The following LSM14A variants were observed in gnomAD, a reference collection of about 807,000 sequenced individuals.
The protein encoded by LSM14A is LSM14A mRNA processing body assembly factor.
A neutral mutation model predicts 52.4 loss-of-function variants in LSM14A; 14 were observed. The ratio of observed to expected loss-of-function variants is 0.27; its 90% confidence interval spans 0.18 to 0.42. LSM14A has a LOEUF of 0.42. LSM14A is among the 10% of genes least tolerant of loss of function. LSM14A has a pLI of 1.00. For synonymous variants in LSM14A, 185 were observed against 200.3 expected (o/e 0.92, Z 0.64); for missense variants, 417 against 581.8 (o/e 0.72, Z 2.91).
chr19:34,223,253 A>C (rs2073162851), intron 9 of LSM14A, among the ~76,000 whole-genome samples: 1 of 151,654 alleles, frequency 6.6e-6, no homozygotes, highest in Non-Finnish European at 1.5e-5. Context: ...GCTAATTTTT[A>C]ATTTTTTTTG....
chr19:34,209,461 G>A (rs1442512571), intron 4 of LSM14A, among the ~76,000 whole-genome samples: 2 of 152,202 alleles, frequency 1.3e-5, no homozygotes, highest in Non-Finnish European at 2.9e-5. Context: ...ATGGAGAGTA[G>A]TGGTTCTCAG....
chr19:34,216,494 T>C (rs1260322506), intron 6 of LSM14A, among the ~76,000 whole-genome samples: 1 of 152,042 alleles, frequency 6.6e-6, no homozygotes, highest in African/African-American at 2.4e-5. Flanking sequence ...AGTTTCACTC[T>C]TGTTACCCAG....
chr19:34,172,680 G>C lies in LSM14A; in HGVS notation c.38G>C (p.Ser13Thr), dbSNP rs764690860. 1.3e-6 allele frequency: 2 copies of C among 1,581,322 alleles called. No homozygotes were observed. Among genetic ancestry groups the C allele is most frequent in the African/African-American group, 2.8e-5 (2 of 71,672 alleles). Residue 13 changes from serine (S) to threonine (T), a missense_variant, in exon 1 of 10, where the codon AGC (serine) becomes ACC (threonine). Physicochemically the swap from Ser to Thr is moderately conservative, Grantham distance 58. Transcript: ENST00000544216. ...GGTPYIGSKISLISKAEIRYE... is the reference protein window; with the variant it reads ...GGTPYIGSKITLISKAEIRYE... ...ACCCCTTACATCGGCAGCAAGATCA[G>C]CCTCATCTCCAAGGCGGAGATCCGC...
At chr19:34,214,074 C>T (rs1274556176) in intron 4 of LSM14A, among the ~76,000 whole-genome samples, 5 of 152,106 alleles carry the variant, frequency 3.3e-5, no homozygotes, top group Admixed American at 2.6e-4. Flanking sequence ...TGAGCAACCG[C>T]GCCCAGCCAA....
intron 5 of LSM14A, 104 bp downstream of exon 5, chr19:34,215,404 T>C (rs2072504592): frequency 1.6e-6 from 2 of 1,223,594 alleles, no homozygotes; most frequent in South Asian, 1.5e-5. Flanking sequence ...TCCCAGAAAA[T>C]TAAACTGAAT....
In LSM14A at chr19:34,209,004, C is replaced by G. The variant is rs753738416; in HGVS notation, c.491C>G (p.Ser164Cys). The G allele has an allele frequency of 6.2e-7, 1 of 1,611,634 alleles. No individual in the cohort carries two copies. The highest frequency in any genetic ancestry group is 8.5e-7 in the Non-Finnish European group (1 of 1,178,316). The change falls in exon 4 of 10, where the codon TCT becomes TGT. Residue 164 changes from serine to cysteine, a missense_variant. Ser to Cys is a moderately radical substitution (Grantham distance 112). Transcript: ENST00000544216. ...TTACCCCAAAGTAGTGCGGTTGGTT[C>G]TGCCTTTACACAGGATACAAGATCT... ...GTLPQSSAVGSAFTQDTRSLK... is the reference protein window; with the variant it reads ...GTLPQSSAVGCAFTQDTRSLK...
intron 1 of LSM14A, among the ~76,000 whole-genome samples, chr19:34,189,626 TG>T (rs1219823182): frequency 6.6e-6 from 1 of 151,454 alleles, no homozygotes; most frequent in Non-Finnish European, 1.5e-5. Context: ...GTGTTATGAA[TG>T]AAAAAAAAAA....
chr19:34,215,853 A>G (rs1204382369), intron 6 of LSM14A, among the ~76,000 whole-genome samples, 192 bp downstream of exon 6: 1 of 152,202 alleles, frequency 6.6e-6, no homozygotes, highest in Admixed American at 6.5e-5. Flanking sequence ...GCAAATCTAT[A>G]TATGGTAGAA....
intron 4 of LSM14A, among the ~76,000 whole-genome samples, chr19:34,214,457 C>T (rs1261522703): frequency 2.0e-5 from 3 of 151,926 alleles, no homozygotes; most frequent in East Asian, 3.9e-4. Flanking sequence ...CACAGGCACG[C>T]GCCACCACGC....
At chr19:34,225,805 A>G (rs989633819) in intron 9 of LSM14A, among the ~76,000 whole-genome samples, 1 of 152,184 alleles carries the variant, frequency 6.6e-6, no homozygotes, top group Non-Finnish European at 1.5e-5. Flanking sequence ...TGGTGTACAC[A>G]TGTAATACCA....
chr19:34,186,896 T>A (rs947111529), intron 1 of LSM14A, among the ~76,000 whole-genome samples: 11 of 152,156 alleles, frequency 7.2e-5, no homozygotes, highest in Admixed American at 2.0e-4. Context: ...TCGTTTCTTT[T>A]TCTTTTCAGT....
chr19:34,227,640 G>T lies in LSM14A; in HGVS notation c.*252G>T. 1 of 402,714 alleles carries T rather than the reference G, an allele frequency of 2.5e-6. No individual in the cohort carries two copies. 24.9% of individuals were successfully genotyped at this position (402,714 alleles called of 1,614,324 possible). ...AGCAGAAGGTTAAGTAATTTCTTAT[G>T]TATAGTTAAACTAAAGCAGTACTTC... On this transcript the variant is annotated 3_prime_UTR_variant, in exon 10 of 10. Transcript: ENST00000544216.
At chr19:34,176,202 A>G (rs937779503) in intron 1 of LSM14A, among the ~76,000 whole-genome samples, 2 of 152,210 alleles carry the variant, frequency 1.3e-5, no homozygotes, top group Non-Finnish European at 2.9e-5. Context: ...ATTTGGATGT[A>G]GAGATCCCTG....
At chr19:34,218,385 TG>T (rs760961059) in intron 6 of LSM14A, among the ~76,000 whole-genome samples, 10 of 152,282 alleles carry the variant, frequency 6.6e-5, no homozygotes, top group Admixed American at 2.0e-4. Flanking sequence ...TAGAGGTGAA[TG>T]TTTCAAACAT....
At chr19:34,226,582 C>A in intron 9 of LSM14A, 1 of 852,466 alleles carries the variant, frequency 1.2e-6, no homozygotes, top group Non-Finnish European at 1.7e-6. Flanking sequence ...AGTTTAATAA[C>A]GGGGTGCAAA....
chr19:34,189,492 C>T (rs780297979), intron 1 of LSM14A, among the ~76,000 whole-genome samples: 13 of 152,092 alleles, frequency 8.5e-5, no homozygotes, highest in Non-Finnish European at 1.8e-4. Flanking sequence ...CAATGACATA[C>T]GGCACCTATG....
Position 34,209,040 on chromosome 19 carries a change from A to G in LSM14A, c.527A>G (p.Gln176Arg). ...FTQDTRSLKT[Q>R]LSQGRSSPQL... The stretch of plus-strand genomic sequence containing the variant: ...CAGGATACAAGATCTCTAAAAACAC[A>G]GTTATCTCAAGGTAAGCTATCTCAT... Residue 176 changes from glutamine (Q) to arginine (R), a missense_variant, in exon 4 of 10, where the codon CAG becomes CGG. By Grantham distance (43) the Gln-to-Arg change is conservative (BLOSUM62 1). This residue lies in a region of LSM14A where 357 missense variants were observed against 457.0 expected (regional missense o/e 0.78). Transcript: ENST00000544216. 1 of 1,574,590 alleles carries G rather than the reference A, an allele frequency of 6.4e-7. No individual in the cohort carries two copies. The highest frequency in any genetic ancestry group is 8.6e-7 in the Non-Finnish European group (1 of 1,158,320).
rs960414027 is a variant in LSM14A, at chr19:34,172,847, T to C, written c.121+84T>C. On this transcript the variant is annotated intron_variant, in intron 1 of 9. Transcript: ENST00000544216. ...CCGCTCCGGCCCGCGGCCTCCTCGTTCCCTCCCCTCCCTCCGTCGAGCTCC... is the reference window on the plus strand; with the variant it reads ...CCGCTCCGGCCCGCGGCCTCCTCGTCCCCTCCCCTCCCTCCGTCGAGCTCC... 3 of 1,401,618 alleles carry C rather than the reference T, an allele frequency of 2.1e-6. No individual in the cohort carries two copies. In the African/African-American group the frequency reaches 4.6e-5, roughly 21 times the overall value. The allele number at this position is 1,401,618 out of a possible 1,614,324, so 86.8% of individuals were successfully genotyped here.
chr19:34,188,958 G>C (rs1320966557), intron 1 of LSM14A, among the ~76,000 whole-genome samples: 1 of 152,032 alleles, frequency 6.6e-6, no homozygotes, highest in Non-Finnish European at 1.5e-5. Context: ...ACAAGTTTCT[G>C]TGTGAACATA....
Sources: allele counts gnomAD v4.1 joint callset (sites outside exome capture counted in the v4.1 genomes callset), GRCh38; gene constraint gnomAD v4.1.1; regional missense constraint gnomAD v4.1.1; transcripts MANE v1.5; gene names NCBI Gene and HGNC (gene_info 2026-07-23, HGNC 2026-07-21).